The following CEP128 variants were observed in gnomAD, a reference collection of about 807,000 sequenced individuals.
The protein encoded by CEP128 is centrosomal protein 128.
A neutral mutation model predicts 156.7 loss-of-function variants in CEP128; 132 were observed. That is an observed-to-expected ratio of 0.84 (90% CI 0.73 to 0.97). The LOEUF (loss-of-function observed/expected upper bound fraction) is 0.97, where lower values mean the gene tolerates loss of function less well. Among genes scored for constraint, CEP128 ranks in the 50% least tolerant of loss-of-function variants. The pLI is 0.00. For synonymous variants in CEP128, 469 were observed against 448.9 expected (o/e 1.04, Z -0.57); for missense variants, 1,252 against 1,281.9 (o/e 0.98, Z 0.36).
At chr14:80,635,430 C>CA (rs1199913629) in intron 19 of CEP128, among the ~76,000 whole-genome samples, 1 of 152,088 alleles carries the variant, frequency 6.6e-6, no homozygotes, top group Non-Finnish European at 1.5e-5. Context: ...CCCAAATAAA[C>CA]AAAAAACTAG....
At chr14:80,799,545 T>G (rs975153114) in intron 13 of CEP128, among the ~76,000 whole-genome samples, 1 of 152,188 alleles carries the variant, frequency 6.6e-6, no homozygotes, top group Non-Finnish European at 1.5e-5. Flanking sequence ...TTTTTCTTCT[T>G]GCAGAGAGCC....
intron 13 of CEP128, chr14:80,830,903 T>C: frequency 2.4e-6 from 1 of 419,766 alleles, no homozygotes; most frequent in Non-Finnish European, 4.2e-6. Flanking sequence ...GTAAAGGATT[T>C]CTCTGTAAAA....
At chr14:80,936,435 G>T (rs572051826) in intron 2 of CEP128, among the ~76,000 whole-genome samples, 1 of 152,086 alleles carries the variant, frequency 6.6e-6, no homozygotes, top group South Asian at 2.1e-4. Flanking sequence ...AGGGAAGGAG[G>T]GATGGGAAAA....
chr14:80,951,370 T>A (rs186142599), intron 2 of CEP128, among the ~76,000 whole-genome samples: 2 of 152,010 alleles, frequency 1.3e-5, no homozygotes. Flanking sequence ...AGAAATGGAG[T>A]ATAAACAAGC....
At chr14:80,844,356 A>C (rs1000608890) in intron 9 of CEP128, among the ~76,000 whole-genome samples, 6 of 152,086 alleles carry the variant, frequency 3.9e-5, no homozygotes, top group African/African-American at 1.4e-4. Flanking sequence ...AAAAATAAAA[A>C]ATAAAACAAA....
intron 8 of CEP128, among the ~76,000 whole-genome samples, chr14:80,876,821 C>G (rs112032980): frequency 1.3e-5 from 2 of 152,124 alleles, no homozygotes; most frequent in South Asian, 2.1e-4. Flanking sequence ...AAATTCTAGA[C>G]GGGATACTTT....
intron 19 of CEP128, among the ~76,000 whole-genome samples, chr14:80,626,477 A>C (rs1158471062): frequency 9.6e-5 from 4 of 41,598 alleles, no homozygotes; most frequent in South Asian, 1.3e-3. Context: ...TCTCAAAAAA[A>C]AAAAAAAAAA....
intron 18 of CEP128, among the ~76,000 whole-genome samples, chr14:80,753,910 C>CCCAG (rs1899512463): frequency 6.6e-6 from 1 of 152,206 alleles, no homozygotes; most frequent in African/African-American, 2.4e-5. Flanking sequence ...TTACTCCAGT[C>CCCAG]TGTCCTTTCC....
chr14:80,631,299 GAAAA>G (rs1893949496), intron 19 of CEP128, among the ~76,000 whole-genome samples: 1 of 151,866 alleles, frequency 6.6e-6, no homozygotes, highest in Non-Finnish European at 1.5e-5. Flanking sequence ...ATCTAACTTT[GAAAA>G]CTATTACAAG....
chr14:80,801,346 C>T (rs983836011), intron 13 of CEP128, among the ~76,000 whole-genome samples: 8 of 151,916 alleles, frequency 5.3e-5, no homozygotes, highest in African/African-American at 1.9e-4. Context: ...CAGCTTTTGC[C>T]CATTCAATAT....
In CEP128 at chr14:80,743,066, A is replaced by G. The variant is rs1168082233; in HGVS notation, c.2806+9T>C. The G allele has an allele frequency of 1.2e-6, 2 of 1,611,590 alleles. No homozygotes were observed. The highest frequency in any genetic ancestry group is 8.5e-7 in the Non-Finnish European group (1 of 1,178,596). Reference sequence around the variant, plus strand: ...AACAAAGAAAAATGAAAGAACAACTAACACACACCTCTCTTCTCACGATGT... The same window carrying G: ...AACAAAGAAAAATGAAAGAACAACTGACACACACCTCTCTTCTCACGATGT... On this transcript the variant is annotated intron_variant, in intron 19 of 24. Coordinates refer to ENST00000555265, the MANE Select transcript of CEP128 (RefSeq NM_152446.5).
chr14:80,731,929 T>C (rs1290955368), intron 19 of CEP128, among the ~76,000 whole-genome samples: 2 of 152,196 alleles, frequency 1.3e-5, no homozygotes, highest in Non-Finnish European at 2.9e-5. Flanking sequence ...CTATGTTTTC[T>C]TTTTGATTGA....
intron 19 of CEP128, among the ~76,000 whole-genome samples, chr14:80,684,491 T>C (rs887253340): frequency 7.2e-4 from 109 of 152,142 alleles, no homozygotes; most frequent in African/African-American, 2.4e-3. Flanking sequence ...ACCAGATGGA[T>C]TCACAGGCAA....
At chr14:80,719,053 G>A (rs1376566125) in intron 19 of CEP128, among the ~76,000 whole-genome samples, 1 of 152,186 alleles carries the variant, frequency 6.6e-6, no homozygotes, top group Non-Finnish European at 1.5e-5. Context: ...GGAACCGGCA[G>A]ATGGCAATGA....
chr14:80,822,837 T>C, intron 13 of CEP128: 3 of 712,256 alleles, frequency 4.2e-6, no homozygotes, highest in Non-Finnish European at 7.8e-6. Flanking sequence ...TTCTGTTGAC[T>C]GCACAGTTTG....
chr14:80,615,536 G>A (rs572012462), intron 19 of CEP128, among the ~76,000 whole-genome samples: 2 of 152,156 alleles, frequency 1.3e-5, no homozygotes, highest in African/African-American at 4.8e-5. Context: ...TAATCCAGAG[G>A]GGGCAGGGAA....
intron 14 of CEP128, among the ~76,000 whole-genome samples, chr14:80,480,101 C>T (rs1393090931): frequency 6.6e-6 from 1 of 152,102 alleles, no homozygotes. Context: ...TCCAGGCACA[C>T]GGTGCAAGCT....
intron 14 of CEP128, among the ~76,000 whole-genome samples, chr14:80,484,380 C>G (rs1393253528): frequency 6.6e-6 from 1 of 152,188 alleles, no homozygotes; most frequent in Admixed American, 6.5e-5. Context: ...TTACCTTGGT[C>G]AGACCTCACC....
In CEP128 at chr14:80,836,319, G is replaced by A; in HGVS notation, c.943C>T (p.Gln315Ter). The change falls in exon 12 of 25, where the codon CAA (glutamine) becomes TAA (stop). Residue 315 changes from glutamine to a stop codon, truncating the protein, a stop_gained. Coordinates refer to ENST00000555265, the MANE Select transcript of CEP128 (RefSeq NM_152446.5). LOFTEE classifies it high-confidence loss of function. ...CGATCACCTTCTGCTTTCGTAAGTT[G>A]TGTACGCAGTTCTTCTACCTAACAC... is the stretch of plus-strand genomic sequence containing the variant. Reference protein sequence around the residue: ...LLHQVEELRTQLTKAEGDRKG... With the variant: ...LLHQVEELRT The A allele has an allele frequency of 6.2e-7, 1 of 1,614,004 alleles. No homozygotes were observed. Among genetic ancestry groups the A allele is most frequent in the East Asian group, 2.2e-5 (1 of 44,852 alleles).
Sources: gnomAD v4.1 joint callset for allele counts (sites outside exome capture counted in the v4.1 genomes callset) on GRCh38, gnomAD v4.1.1 for gene constraint, MANE v1.5 for transcripts, NCBI Gene and HGNC (gene_info 2026-07-23, HGNC 2026-07-21) for gene names.